The following RNF20 variants were observed in gnomAD, a reference collection of about 807,000 sequenced individuals.
RNF20 encodes E3 ubiquitin-protein ligase BRE1A.
Under a neutral mutation model 126.2 loss-of-function variants are expected in RNF20, and 84 were observed. The ratio of observed to expected loss-of-function variants is 0.67; its 90% CI spans 0.56 to 0.80. The LOEUF (loss-of-function observed/expected upper bound fraction) is 0.80, where lower values mean the gene tolerates loss of function less well. Ranked by LOEUF, RNF20 falls within the 30% of genes least tolerant of loss-of-function variation. The pLI is 0.00. For synonymous variants in RNF20, 400 were observed against 414.3 expected, an observed-to-expected ratio of 0.97 and a Z score of 0.42; for missense variants, 869 against 1,188.2, an observed-to-expected ratio of 0.73 and a Z score of 3.95.
At chr9:101,542,816 C>T (rs16920479) in intron 5 of RNF20, among the ~76,000 whole-genome samples, 21,805 of 152,104 alleles carry the variant, frequency 0.14, 2,110 homozygotes, top group East Asian at 0.36. Flanking sequence ...ATTTTAAGGT[C>T]GGGTTTAAGT....
At position 101,550,672 on chromosome 9, in the gene RNF20, C is replaced by T; in HGVS notation, c.1159C>T (p.Gln387Ter). The T allele has an allele frequency of 1.9e-6, 3 of 1,614,130 alleles. No homozygotes were observed. The highest frequency in any genetic ancestry group is 1.7e-6 in the Non-Finnish European group (2 of 1,179,970). The part of the protein sequence containing the change: ...ETPEYRCMQS[Q>*]FSVLYNESLQ... Reference sequence around the variant, plus strand: ...TCCAGAATATCGCTGCATGCAGTCACAGTTCTCCGTCTTGTATAATGAGAG... The same window carrying T: ...TCCAGAATATCGCTGCATGCAGTCATAGTTCTCCGTCTTGTATAATGAGAG... The change falls in exon 10 of 20, where the codon CAG (glutamine) becomes TAG (stop). Residue 387 changes from glutamine to a stop codon, truncating the protein, a stop_gained. Transcript: ENST00000389120. LOFTEE classifies it high-confidence loss of function.
intron 1 of RNF20, among the ~76,000 whole-genome samples, chr9:101,534,724 A>T (rs530026902): frequency 9.3e-4 from 141 of 152,248 alleles, no homozygotes; most frequent in African/African-American, 3.2e-3. Context: ...GATTCTTTCA[A>T]CACTGTAGTA....
intron 2 of RNF20, among the ~76,000 whole-genome samples, chr9:101,537,200 G>T (rs1305017550): frequency 2.0e-5 from 3 of 152,202 alleles, no homozygotes; most frequent in African/African-American, 7.2e-5. Context: ...TTTTGCTATA[G>T]GAGGCCTTTG....
intron 2 of RNF20, among the ~76,000 whole-genome samples, chr9:101,537,994 G>A (rs111924937): frequency 0.015 from 2,275 of 152,262 alleles, 47 homozygotes; most frequent in African/African-American, 0.051. Flanking sequence ...ACTATATAAT[G>A]ACTGATCATG....
Position 101,555,789 on chromosome 9 carries a change from TA to T in RNF20, c.2169+961del, listed in dbSNP as rs770343625. Among the ~76,000 whole-genome samples the T allele has an allele frequency of 3.1e-3, 419 of 133,462 alleles. 4 individuals are homozygous for T. Among genetic ancestry groups the T allele is most frequent in the African/African-American group, 6.8e-3 (249 of 36,400 alleles). 87.6% of individuals were successfully genotyped at this position (133,462 alleles called of 152,430 possible). A position where few individuals can be genotyped will look rare whatever the true frequency, so the allele number is the denominator to read the frequency against. On this transcript the variant is annotated intron_variant, in intron 15 of 19. Transcript: ENST00000389120. Reference sequence around the variant, plus strand: ...CAACATGGAGAAACCCCATCACTATTAAAAAAAAAAAAAAACAAAATTAGCT... The same window carrying T: ...CAACATGGAGAAACCCCATCACTATTAAAAAAAAAAAAAACAAAATTAGCT...
At position 101,540,942 on chromosome 9, in the gene RNF20, G is replaced by C; in HGVS notation, c.595G>C (p.Val199Leu). ...VTVYDKLQEK[V>L]ELLSRKLNSG... ...TGTTTATGATAAATTGCAAGAAAAA[G>C]TGGAGCTCTTATCCCGGAAGCTAAA... Residue 199 changes from valine to leucine, a missense_variant, in exon 5 of 20, where the codon GTG becomes CTG. This residue lies in a region of RNF20 where 103 missense variants were observed against 94.3 expected (regional missense o/e 1.09). Coordinates refer to ENST00000389120, the MANE Select transcript of RNF20 (RefSeq NM_019592.7). 6.2e-7 allele frequency: 1 copy of C among 1,614,106 alleles called. No homozygotes were observed. Among genetic ancestry groups the C allele is most frequent in the South Asian group, 1.1e-5 (1 of 91,086 alleles).
At position 101,535,571 on chromosome 9, in the gene RNF20, A is replaced by G; in HGVS notation, c.129+19A>G. 6.2e-7 allele frequency: 1 copy of G among 1,601,448 alleles called. No homozygotes were observed. Among genetic ancestry groups the G allele is most frequent in the Non-Finnish European group, 8.5e-7 (1 of 1,174,366 alleles). On this transcript the variant is annotated intron_variant, in intron 2 of 19. Transcript: ENST00000389120. Reference sequence around the variant, plus strand: ...TTCAACGGTATGAGGAAACAGTGCCATGAAAGTGTGCTTGTCTTCTGTCAG... The same window carrying G: ...TTCAACGGTATGAGGAAACAGTGCCGTGAAAGTGTGCTTGTCTTCTGTCAG...
chr9:101,549,766 A>G (rs906403840), intron 9 of RNF20, among the ~76,000 whole-genome samples: 4 of 152,148 alleles, frequency 2.6e-5, no homozygotes, highest in Non-Finnish European at 5.9e-5. Flanking sequence ...TCTTCTGGTC[A>G]CTTCTCACTG....
At chr9:101,562,217 G>A (rs1246558138) in intron 19 of RNF20, 29 bp from the exon 20 acceptor site, 1 of 1,599,482 alleles carries the variant, frequency 6.3e-7, no homozygotes, top group Non-Finnish European at 8.5e-7. Flanking sequence ...TTTCATGGTT[G>A]TTCAAACTCT....
At position 101,544,899 on chromosome 9, in the gene RNF20, A is replaced by G; in HGVS notation, c.747+14A>G. The stretch of plus-strand genomic sequence containing the variant: ...ATGTCTCAGGAGGTACTTAACCAAA[A>G]AGGAGAGATGGCTGTGTCTAGTGGG... On this transcript the variant is annotated intron_variant, in intron 6 of 19. Transcript: ENST00000389120. 1.3e-6 allele frequency: 2 copies of G among 1,487,278 alleles called. No individual in the cohort carries two copies. The highest frequency in any genetic ancestry group is 1.7e-4 in the Middle Eastern group (1 of 5,794). The allele number at this position is 1,487,278 out of a possible 1,614,324, so 92.1% of individuals were successfully genotyped here.
Position 101,540,952 on chromosome 9 carries a change from T to C in RNF20, c.605T>C (p.Leu202Ser). 1.9e-6 allele frequency: 3 copies of C among 1,614,064 alleles called. No homozygotes were observed. The highest frequency in any genetic ancestry group is 2.5e-6 in the Non-Finnish European group (3 of 1,179,942). Residue 202 changes from leucine to serine, a missense_variant, in exon 5 of 20, where the codon TTA becomes TCA. Around this residue, in one of 8 missense-constraint regions of RNF20, gnomAD observed 103 missense variants for 94.3 expected, o/e 1.09. Coordinates refer to ENST00000389120, the MANE Select transcript of RNF20 (RefSeq NM_019592.7). ...AAATTGCAAGAAAAAGTGGAGCTCT[T>C]ATCCCGGAAGCTAAACAGTGGAGGT... is the stretch of plus-strand genomic sequence containing the variant. ...YDKLQEKVELLSRKLNSGDNL... is the reference protein window; with the variant it reads ...YDKLQEKVELSSRKLNSGDNL...
chr9:101,544,422 T>C (rs968840641), intron 5 of RNF20, among the ~76,000 whole-genome samples: 6 of 152,154 alleles, frequency 3.9e-5, no homozygotes, highest in African/African-American at 1.4e-4. Context: ...TTTGACACTA[T>C]AGGCCAGGCA....
Position 101,535,411 on chromosome 9 carries a change from T to G in RNF20, c.-13T>G, listed in dbSNP as rs7872953. ...TTTTTCTATCAGGAAAACGACTGTC[T>G]TCTTCTGCCAAAATGTCAGGAATTG... On this transcript the variant is annotated 5_prime_UTR_variant, in exon 2 of 20. Coordinates refer to ENST00000389120, the MANE Select transcript of RNF20 (RefSeq NM_019592.7). 6.2e-7 allele frequency: 1 copy of G among 1,611,126 alleles called. No homozygotes were observed. The highest frequency in any genetic ancestry group is 1.1e-5 in the South Asian group (1 of 90,376).
intron 4 of RNF20, 42 bp downstream of exon 4, chr9:101,540,679 G>T: frequency 1.2e-6 from 2 of 1,608,420 alleles, no homozygotes; most frequent in Non-Finnish European, 1.7e-6. Flanking sequence ...TGCTATCTGG[G>T]TTTTTAAAGT....
chr9:101,550,513 G>T (rs1156799814), intron 9 of RNF20, 93 bp from the exon 10 acceptor site: 1 of 976,714 alleles, frequency 1.0e-6, no homozygotes, highest in African/African-American at 1.6e-5. Context: ...TCTCTCTTGT[G>T]TAGGACATCA....
At chr9:101,559,993 A>G (rs1827599839) in intron 16 of RNF20, among the ~76,000 whole-genome samples, 1 of 152,178 alleles carries the variant, frequency 6.6e-6, no homozygotes, top group African/African-American at 2.4e-5. Context: ...CTCAGGGGGA[A>G]TGCTTTCAAC....
chr9:101,547,589 T>C, intron 9 of RNF20, 71 bp downstream of exon 9: 1 of 1,540,994 alleles, frequency 6.5e-7, no homozygotes, highest in Non-Finnish European at 8.9e-7. Flanking sequence ...TACATAGTTG[T>C]GAATCTGCGT....
intron 5 of RNF20, among the ~76,000 whole-genome samples, chr9:101,541,901 G>C (rs1245770424): frequency 6.6e-6 from 1 of 152,138 alleles, no homozygotes; most frequent in African/African-American, 2.4e-5. Context: ...AATTTGTACA[G>C]TAAAGTATTT....
intron 16 of RNF20, among the ~76,000 whole-genome samples, chr9:101,560,068 A>G (rs1470064304): frequency 6.6e-6 from 1 of 152,180 alleles, no homozygotes; most frequent in East Asian, 1.9e-4. Context: ...ACCTTAAGGT[A>G]TGTCCCTTCT....
Sources: allele counts gnomAD v4.1 joint callset (sites outside exome capture counted in the v4.1 genomes callset), GRCh38; gene constraint gnomAD v4.1.1; regional missense constraint gnomAD v4.1.1; transcripts MANE v1.5; gene names NCBI Gene and HGNC (gene_info 2026-07-23, HGNC 2026-07-21).